The following BCAS3 variants were observed in gnomAD, a reference collection of about 807,000 sequenced individuals.
The protein encoded by BCAS3 is BCAS4/BCAS3 fusion.
Under a neutral mutation model 116.1 loss-of-function variants are expected in BCAS3, and 53 were observed. The ratio of observed to expected loss-of-function variants is 0.46; its 90% CI spans 0.37 to 0.57. The LOEUF is 0.57. BCAS3 is among the 20% of genes least tolerant of loss of function. The probability of loss-of-function intolerance (pLI) is 0.00; values close to 1 mark genes in which losing one functional copy is unlikely to be tolerated. For missense variants in BCAS3, 917 were observed against 1,165.4 expected, an observed-to-expected ratio of 0.79 and a Z score of 3.10; for synonymous variants, 391 against 408.2, an observed-to-expected ratio of 0.96 and a Z score of 0.51.
In BCAS3 at chr17:61,323,884, C is replaced by T. The variant is rs543188964; in HGVS notation, c.2426-44443C>T. Among the ~76,000 whole-genome samples, 6 of 152,360 alleles carry T rather than the reference C, an allele frequency of 3.9e-5. No individual in the cohort carries two copies. Among genetic ancestry groups the T allele is most frequent in the South Asian group, 2.1e-4 (1 of 4,828 alleles). On this transcript the variant is annotated intron_variant, in intron 22 of 23. Transcript: ENST00000407086. This position sits in a 1 kb window ranked among gnomAD's most constrained non-coding sequence, Gnocchi z 4.6. ...GTGGGTTCCTTGGCTCCGTGTTTCT[C>T]GTCTTTCCCAGACGCTTCTTCCCTT... is the stretch of plus-strand genomic sequence containing the variant.
At chr17:60,928,166 G>T (rs1408356867) in intron 13 of BCAS3, among the ~76,000 whole-genome samples, 1 of 152,150 alleles carries the variant, frequency 6.6e-6, no homozygotes, top group African/African-American at 2.4e-5. Context: ...CTGCTTGCTG[G>T]TTAGTTGCAA....
chr17:60,820,727 G>T (rs9783812), intron 7 of BCAS3, among the ~76,000 whole-genome samples: 4,209 of 152,166 alleles, frequency 0.028, 210 homozygotes, highest in African/African-American at 0.097. Flanking sequence ...ATAAGAAAGA[G>T]TTGAGACTGT....
chr17:61,227,300 G>A lies in BCAS3; in HGVS notation c.2426-141027G>A, dbSNP rs1270358742. On this transcript the variant is annotated intron_variant, in intron 22 of 23. Coordinates refer to ENST00000407086, the MANE Select transcript of BCAS3 (RefSeq NM_017679.5). The surrounding 1 kb of genome is among the most constrained non-coding windows in gnomAD (Gnocchi z 6.1). Reference sequence around the variant, plus strand: ...CTCATACATATACAATGTCGCATGTGCTTTCAGGGGTTTCAGGACCCCTCT... The same window carrying A: ...CTCATACATATACAATGTCGCATGTACTTTCAGGGGTTTCAGGACCCCTCT... 6.6e-6 allele frequency among the ~76,000 whole-genome samples: 1 copy of A among 152,162 alleles called. No individual in the cohort carries two copies. The highest frequency in any genetic ancestry group is 1.5e-5 in the Non-Finnish European group (1 of 68,036).
intron 10 of BCAS3, among the ~76,000 whole-genome samples, chr17:60,896,200 C>G (rs2057498706): frequency 6.6e-6 from 1 of 152,102 alleles, no homozygotes; most frequent in Non-Finnish European, 1.5e-5. Context: ...TGGCGTGTGC[C>G]TGTAATCCCA....
chr17:60,738,145 T>C (rs1357063468), intron 5 of BCAS3, among the ~76,000 whole-genome samples: 3 of 152,218 alleles, frequency 2.0e-5, no homozygotes, highest in East Asian at 3.8e-4. Context: ...TCTTAGTGAA[T>C]GTTCCATGTC....
At chr17:61,053,356 T>G (rs2069062741) in intron 19 of BCAS3, among the ~76,000 whole-genome samples, 1 of 152,168 alleles carries the variant, frequency 6.6e-6, no homozygotes, top group Non-Finnish European at 1.5e-5. Flanking sequence ...TTTAAAAGAT[T>G]TTACTATCCT....
intron 22 of BCAS3, among the ~76,000 whole-genome samples, chr17:61,275,077 C>T (rs754810415): frequency 7.2e-5 from 11 of 151,768 alleles, no homozygotes; most frequent in South Asian, 4.2e-4. Context: ...GTCTCAACTC[C>T]TGGGCTCAAG....
At chr17:60,742,528 G>A (rs531657941) in intron 5 of BCAS3, among the ~76,000 whole-genome samples, 1 of 150,406 alleles carries the variant, frequency 6.6e-6, no homozygotes, top group South Asian at 2.1e-4. Context: ...CGCCTCCTGG[G>A]TTCAAGCAAT....
chr17:61,187,438 A>G (rs2079846426), intron 22 of BCAS3, among the ~76,000 whole-genome samples: 1 of 152,234 alleles, frequency 6.6e-6, no homozygotes, highest in Non-Finnish European at 1.5e-5. Context: ...AGAGTTACCC[A>G]TGTTGCTTTT....
At chr17:60,989,902 T>C (rs2063416709) in intron 14 of BCAS3, 69 bp from the exon 15 acceptor site, 2 of 1,479,482 alleles carry the variant, frequency 1.4e-6, no homozygotes, top group Non-Finnish European at 1.9e-6. Flanking sequence ...TATTTGGTGA[T>C]GTGTGATACT....
In BCAS3 at chr17:61,098,299, T is replaced by G. The variant is rs572218443; in HGVS notation, c.2425+13735T>G. On this transcript the variant is annotated intron_variant, in intron 22 of 23. Coordinates refer to ENST00000407086, the MANE Select transcript of BCAS3 (RefSeq NM_017679.5). This position sits in a 1 kb window ranked among gnomAD's most constrained non-coding sequence, Gnocchi z 4.2. ...GTGCATGGAGAGGAGAAAAATAGAG[T>G]CTTTGTCCCCCTTTCTGTTCTTAGT... 1.3e-4 allele frequency among the ~76,000 whole-genome samples: 20 copies of G among 152,124 alleles called. No homozygotes were observed. The highest frequency in any genetic ancestry group is 4.3e-4 in the African/African-American group (18 of 41,474).
chr17:61,004,720 A>G lies in BCAS3; in HGVS notation c.1487-11031A>G, dbSNP rs577923023. 4.6e-5 allele frequency among the ~76,000 whole-genome samples: 7 copies of G among 152,244 alleles called. No individual in the cohort carries two copies. The South Asian group carries it at 1.4e-3, about 32-fold the overall frequency. ...AAAAGGATTTAAGGTTCATTGAAAG[A>G]GTTATTAACATTGGATGATGTGTTT... On this transcript the variant is annotated intron_variant, in intron 15 of 23. Coordinates refer to ENST00000407086, the MANE Select transcript of BCAS3 (RefSeq NM_017679.5). The surrounding 1 kb of genome is among the most constrained non-coding windows in gnomAD (Gnocchi z 4.8).
rs58935681 is a variant in BCAS3, at chr17:61,008,711, A to T, written c.1487-7040A>T. Reference sequence around the variant, plus strand: ...ACCAAAAAATAAAAAATAAAAAAATAAAAAAAAAGGCCCCGTAGAACTCAT... The same window carrying T: ...ACCAAAAAATAAAAAATAAAAAAATTAAAAAAAAGGCCCCGTAGAACTCAT... On this transcript the variant is annotated intron_variant, in intron 15 of 23. Coordinates refer to ENST00000407086, the MANE Select transcript of BCAS3 (RefSeq NM_017679.5). The surrounding 1 kb of genome is among the most constrained non-coding windows in gnomAD (Gnocchi z 4.6). Among the ~76,000 whole-genome samples, 15,486 of 151,324 alleles carry T rather than the reference A, an allele frequency of 0.1. 2,375 individuals are homozygous for T. Among genetic ancestry groups the T allele is most frequent in the African/African-American group, 0.34 (13,978 of 41,340 alleles).
At chr17:60,760,280 G>A (rs2043395218) in intron 6 of BCAS3, among the ~76,000 whole-genome samples, 1 of 151,964 alleles carries the variant, frequency 6.6e-6, no homozygotes, top group Admixed American at 6.6e-5. Context: ...TGTGTGTTTG[G>A]TTTACCAGTG....
chr17:61,329,325 G>GTTA (rs201735697), intron 22 of BCAS3, among the ~76,000 whole-genome samples: 18 of 144,028 alleles, frequency 1.2e-4, no homozygotes, highest in African/African-American at 1.8e-4. Flanking sequence ...TCCAGGCCAT[G>GTTA]TTATTATTAT....
rs2054521023 is a variant in BCAS3 at position 61,313,820 on chromosome 17, G to A, written c.2426-54507G>A. On this transcript the variant is annotated intron_variant, in intron 22 of 23. Transcript: ENST00000407086. This position sits in a 1 kb window ranked among gnomAD's most constrained non-coding sequence, Gnocchi z 4.3. ...GGAAAGGCAAGCTCCCAATTAAGTGGAAGAGCTCAAGCAAGAGATGTTTCA... is the reference window on the plus strand; with the variant it reads ...GGAAAGGCAAGCTCCCAATTAAGTGAAAGAGCTCAAGCAAGAGATGTTTCA... Among the ~76,000 whole-genome samples the A allele has an allele frequency of 6.6e-6, 1 of 152,200 alleles. No individual in the cohort carries two copies. The highest frequency in any genetic ancestry group is 2.1e-4 in the South Asian group (1 of 4,832).
In BCAS3 at chr17:61,239,337, C is replaced by T. The variant is rs1262070269; in HGVS notation, c.2426-128990C>T. 6.6e-6 allele frequency among the ~76,000 whole-genome samples: 1 copy of T among 152,118 alleles called. No homozygotes were observed. The highest frequency in any genetic ancestry group is 1.5e-5 in the Non-Finnish European group (1 of 68,028). ...GATAGTTATATATCCAAGAGGAAAG[C>T]CTGAGTTTGAAATAATGATTAGCTC... is the stretch of plus-strand genomic sequence containing the variant. On this transcript the variant is annotated intron_variant, in intron 22 of 23. Transcript: ENST00000407086. This position sits in a 1 kb window ranked among gnomAD's most constrained non-coding sequence, Gnocchi z 4.2.
intron 22 of BCAS3, among the ~76,000 whole-genome samples, chr17:61,137,281 A>G (rs1239528412): frequency 6.6e-6 from 1 of 152,240 alleles, no homozygotes; most frequent in Non-Finnish European, 1.5e-5. Context: ...ATCAAGGGAT[A>G]CATGACTCGG....
At position 61,380,725 on chromosome 17, in the gene BCAS3, G is replaced by T. The variant is rs558261353; in HGVS notation, c.2594-11252G>T. 1.3e-5 allele frequency among the ~76,000 whole-genome samples: 2 copies of T among 152,300 alleles called. No individual in the cohort carries two copies. Among genetic ancestry groups the T allele is most frequent in the East Asian group, 3.9e-4 (2 of 5,182 alleles). On this transcript the variant is annotated intron_variant, in intron 23 of 23. Coordinates refer to ENST00000407086, the MANE Select transcript of BCAS3 (RefSeq NM_017679.5). This position sits in a 1 kb window ranked among gnomAD's most constrained non-coding sequence, Gnocchi z 4.2. ...TCAGATGGGAGGTCTCTTCTGGAAGGGGACTGGTTTGGGATGGGGAGTGGT... is the reference window on the plus strand; with the variant it reads ...TCAGATGGGAGGTCTCTTCTGGAAGTGGACTGGTTTGGGATGGGGAGTGGT...
Sources: allele counts gnomAD v4.1 joint callset (sites outside exome capture counted in the v4.1 genomes callset), GRCh38; gene constraint gnomAD v4.1.1; non-coding constraint Gnocchi (gnomAD v3.1); transcripts MANE v1.5; gene names NCBI Gene and HGNC (gene_info 2026-07-23, HGNC 2026-07-21).